Variants in MAML2 observed in about 807,000 individuals in gnomAD.
The protein encoded by MAML2 is mastermind like transcriptional coactivator 2.
In MAML2, 22 loss-of-function variants were observed where a neutral mutation model predicts 96.1. The observed-to-expected ratio is 0.23, with a 90% CI of 0.16 to 0.33. MAML2 has a LOEUF of 0.33. Ranked by LOEUF, MAML2 falls within the 10% of genes least tolerant of loss-of-function variation. The probability of loss-of-function intolerance (pLI) is 1.00; values close to 1 mark genes in which losing one functional copy is unlikely to be tolerated. For synonymous variants in MAML2, 561 were observed against 521.3 expected, an observed-to-expected ratio of 1.08 and a Z score of -1.04; for missense variants, 1,367 against 1,392.4, an observed-to-expected ratio of 0.98 and a Z score of 0.29.
rs538978180 is a variant in MAML2 at position 96,180,559 on chromosome 11, A to G, written c.514-87042T>C. Among the ~76,000 whole-genome samples the G allele has an allele frequency of 2.0e-5, 3 of 152,322 alleles. No individual in the cohort carries two copies. In the East Asian group the frequency reaches 5.8e-4, roughly 29 times the overall value. On this transcript the variant is annotated intron_variant, in intron 1 of 4. Coordinates refer to ENST00000524717, the MANE Select transcript of MAML2 (RefSeq NM_032427.4). Reference sequence around the variant, plus strand: ...GCAGCAACCACTAAACATGTGAGTGAGAGAACCTTCATATGACTCCAGTCC... The same window carrying G: ...GCAGCAACCACTAAACATGTGAGTGGGAGAACCTTCATATGACTCCAGTCC...
chr11:96,025,012 A>G (rs1249813853), intron 2 of MAML2, among the ~76,000 whole-genome samples: 1 of 152,188 alleles, frequency 6.6e-6, no homozygotes, highest in Non-Finnish European at 1.5e-5. Context: ...AGAACTTAAA[A>G]CAAACTACCG....
At chr11:96,124,914 G>A (rs1338351446) in intron 1 of MAML2, among the ~76,000 whole-genome samples, 1 of 152,176 alleles carries the variant, frequency 6.6e-6, no homozygotes, top group South Asian at 2.1e-4. Flanking sequence ...CTCAATCCTA[G>A]GTTCTTTGGC....
chr11:96,100,056 G>A (rs1347720998), intron 1 of MAML2, among the ~76,000 whole-genome samples: 3 of 152,222 alleles, frequency 2.0e-5, no homozygotes, highest in Non-Finnish European at 2.9e-5. Flanking sequence ...GGTGTATGAA[G>A]CTTTGTGATG....
At chr11:96,306,561 C>T (rs751213451) in intron 1 of MAML2, among the ~76,000 whole-genome samples, 26 of 152,284 alleles carry the variant, frequency 1.7e-4, no homozygotes, top group African/African-American at 5.3e-4. Context: ...AGTTAGACAA[C>T]GACTGAACAT....
intron 1 of MAML2, among the ~76,000 whole-genome samples, chr11:96,158,562 T>C (rs923097433): frequency 6.6e-6 from 1 of 152,200 alleles, no homozygotes; most frequent in Non-Finnish European, 1.5e-5. Context: ...CAGATTTCTT[T>C]TGCCTGGGTG....
chr11:96,111,857 C>A (rs1176002905), intron 1 of MAML2, among the ~76,000 whole-genome samples: 1 of 152,108 alleles, frequency 6.6e-6, no homozygotes, highest in Non-Finnish European at 1.5e-5. Context: ...TTGAGGGAGA[C>A]TTCAGCATTC....
intron 1 of MAML2, among the ~76,000 whole-genome samples, chr11:96,217,127 A>T (rs531608912): frequency 1.3e-5 from 2 of 152,322 alleles, no homozygotes; most frequent in East Asian, 1.9e-4. Flanking sequence ...TGCTCATTAC[A>T]TGTTACACTG....
chr11:96,054,338 T>A (rs1859030738), intron 2 of MAML2, among the ~76,000 whole-genome samples: 1 of 152,196 alleles, frequency 6.6e-6, no homozygotes, highest in Non-Finnish European at 1.5e-5. Context: ...CTGAGTGATA[T>A]TTAACAAATG....
At chr11:96,233,545 C>T (rs1447759157) in intron 1 of MAML2, among the ~76,000 whole-genome samples, 3 of 152,006 alleles carry the variant, frequency 2.0e-5, no homozygotes, top group Admixed American at 6.6e-5. Flanking sequence ...GTAGCTAGGA[C>T]AATAGGTGTA....
chr11:96,320,940 G>A lies in MAML2; in HGVS notation c.513+20443C>T, dbSNP rs75726921. 5.3e-5 allele frequency among the ~76,000 whole-genome samples: 8 copies of A among 152,294 alleles called. No homozygotes were observed. The East Asian group carries it at 1.5e-3, about 29-fold the overall frequency. On this transcript the variant is annotated intron_variant, in intron 1 of 4. Coordinates refer to ENST00000524717, the MANE Select transcript of MAML2 (RefSeq NM_032427.4). Reference sequence around the variant, plus strand: ...AGAAAACATGTGGAATCCACATGCTGGCCAATTTCAGGGCTTATCTGCCTC... The same window carrying A: ...AGAAAACATGTGGAATCCACATGCTAGCCAATTTCAGGGCTTATCTGCCTC...
chr11:96,268,275 G>T (rs1362922418), intron 1 of MAML2, among the ~76,000 whole-genome samples: 1 of 152,126 alleles, frequency 6.6e-6, no homozygotes, highest in Non-Finnish European at 1.5e-5. Context: ...AGGAGTTCGA[G>T]AGCAGCCTGG....
chr11:96,315,521 C>T (rs756378963), intron 1 of MAML2, among the ~76,000 whole-genome samples: 1 of 152,162 alleles, frequency 6.6e-6, no homozygotes. Context: ...TTAAACTAGT[C>T]CTAGGATCTT....
intron 1 of MAML2, among the ~76,000 whole-genome samples, chr11:96,094,394 T>G (rs552775778): frequency 2.4e-4 from 37 of 152,322 alleles, no homozygotes; most frequent in Non-Finnish European, 4.6e-4. Context: ...ACAATAGCAC[T>G]TAACTCACAG....
At chr11:96,285,024 A>G (rs1261135945) in intron 1 of MAML2, among the ~76,000 whole-genome samples, 1 of 152,196 alleles carries the variant, frequency 6.6e-6, no homozygotes, top group Non-Finnish European at 1.5e-5. Context: ...TGCCCCAATA[A>G]GACCCATTTC....
chr11:96,113,422 C>T (rs1483739370), intron 1 of MAML2, among the ~76,000 whole-genome samples: 1 of 151,956 alleles, frequency 6.6e-6, no homozygotes, highest in African/African-American at 2.4e-5. Flanking sequence ...CTCATTACAT[C>T]AAGTAAAAAT....
intron 2 of MAML2, among the ~76,000 whole-genome samples, chr11:96,069,591 C>G (rs113394739): frequency 0.017 from 2,514 of 152,196 alleles, 80 homozygotes; most frequent in African/African-American, 0.058. Context: ...GTGGGAGGAT[C>G]ACTAGAGCCC....
At chr11:96,069,491 T>G (rs570864790) in intron 2 of MAML2, among the ~76,000 whole-genome samples, 1 of 151,302 alleles carries the variant, frequency 6.6e-6, no homozygotes, top group South Asian at 2.1e-4. Context: ...CTGGGCAACA[T>G]GGTAAAACCC....
intron 2 of MAML2, among the ~76,000 whole-genome samples, chr11:96,027,390 C>A (rs1039872147): frequency 2.6e-5 from 4 of 152,186 alleles, no homozygotes; most frequent in Non-Finnish European, 5.9e-5. Flanking sequence ...CAAGACCACA[C>A]AGTATGTGGC....
chr11:96,093,032 G>T lies in MAML2; in HGVS notation c.999C>A (p.Thr333=). 5 of 1,613,996 alleles carry T rather than the reference G, an allele frequency of 3.1e-6. No homozygotes were observed. The highest frequency in any genetic ancestry group is 4.2e-6 in the Non-Finnish European group (5 of 1,179,890). ...TGTTAAATGGGTCATCCTGCTTTAT[G>T]GTGGCATTGATCATGTTCTCCAGTT... ...DLELENMINA[T]IKQDDPFNID... is the part of the protein sequence containing the mutation. The change falls in exon 2 of 5, where the codon ACC becomes ACA. Residue 333 remains threonine, a synonymous_variant. Coordinates refer to ENST00000524717, the MANE Select transcript of MAML2 (RefSeq NM_032427.4).
Sources: gnomAD v4.1 joint callset for allele counts (sites outside exome capture counted in the v4.1 genomes callset) on GRCh38, gnomAD v4.1.1 for gene constraint, MANE v1.5 for transcripts, NCBI Gene and HGNC (gene_info 2026-07-23, HGNC 2026-07-21) for gene names.